The following CACNA1E variants were observed in gnomAD, a reference collection of about 807,000 sequenced individuals.
CACNA1E encodes voltage-dependent R-type calcium channel subunit alpha-1E.
CACNA1E carries 40 observed loss-of-function variants against 259.2 expected under a neutral mutation model. That is an observed-to-expected ratio of 0.15 (90% CI 0.12 to 0.20). CACNA1E has a LOEUF of 0.20. Among genes scored for constraint, CACNA1E ranks in the 10% least tolerant of loss-of-function variants. The pLI is 1.00. For missense variants in CACNA1E, 1,874 were observed against 3,040.1 expected (o/e 0.62, Z 9.02); for synonymous variants, 1,104 against 1,138.5 (o/e 0.97, Z 0.61).
At chr1:181,535,518 A>G (rs1668101068) in intron 3 of CACNA1E, among the ~76,000 whole-genome samples, 1 of 152,282 alleles carries the variant, frequency 6.6e-6, no homozygotes, top group South Asian at 2.1e-4. Flanking sequence ...TTTTATGTAT[A>G]TATGTATAAA....
chr1:181,681,816 C>T lies in CACNA1E; in HGVS notation c.1056-29138C>T, dbSNP rs1650001383. 2.0e-5 allele frequency among the ~76,000 whole-genome samples: 3 copies of T among 152,118 alleles called. No individual in the cohort carries two copies. The South Asian group carries it at 6.2e-4, about 32-fold the overall frequency. ...AATGATACCTACCTCACAGGGTTGC[C>T]TTTATTTTTTGCTGTGTTCTGTGCC... On this transcript the variant is annotated intron_variant, in intron 7 of 47. Coordinates refer to ENST00000367573, the MANE Select transcript of CACNA1E (RefSeq NM_001205293.3).
chr1:181,535,933 G>A (rs1372601598), intron 3 of CACNA1E, among the ~76,000 whole-genome samples: 1 of 151,780 alleles, frequency 6.6e-6, no homozygotes, highest in Admixed American at 6.6e-5. Flanking sequence ...GTGGTCCACC[G>A]ACCTTGGCCT....
In CACNA1E at chr1:181,802,434, C is replaced by A. The variant is rs1425014409; in HGVS notation, c.*3600C>A. 6.6e-6 allele frequency: 1 copy of A among 152,244 alleles called. No individual in the cohort carries two copies. Among genetic ancestry groups the A allele is most frequent in the Non-Finnish European group, 1.5e-5 (1 of 68,098 alleles). The allele number at this position is 152,244 out of a possible 1,614,324, so 9.4% of individuals were successfully genotyped here. On this transcript the variant is annotated 3_prime_UTR_variant, in exon 48 of 48. Transcript: ENST00000367573. The stretch of plus-strand genomic sequence containing the variant: ...CTCCCTTCTTTGCACAGATTCCTCC[C>A]AACCCCATAGAGCCTATGTGGTGAG...
intron 2 of CACNA1E, among the ~76,000 whole-genome samples, chr1:181,468,383 T>A (rs1360596353): frequency 6.6e-6 from 1 of 152,212 alleles, no homozygotes; most frequent in Non-Finnish European, 1.5e-5. Context: ...AATGGTTTTA[T>A]CAGCTGTAGC....
At chr1:181,739,390 C>T (rs574764262) in intron 25 of CACNA1E, 137 bp downstream of exon 25, 39 of 684,164 alleles carry the variant, frequency 5.7e-5, no homozygotes, top group African/African-American at 2.7e-4. Context: ...GCTCCCCAGT[C>T]GCCCCCAGCA....
At chr1:181,789,812 T>C (rs531057682) in intron 43 of CACNA1E, among the ~76,000 whole-genome samples, 54 of 152,354 alleles carry the variant, frequency 3.5e-4, no homozygotes, top group Non-Finnish European at 6.8e-4. Context: ...GGGCAGACTT[T>C]GTCTCCATCC....
chr1:181,396,318 G>C (rs1419676605), intron 1 of CACNA1E, among the ~76,000 whole-genome samples: 2 of 152,206 alleles, frequency 1.3e-5, no homozygotes, highest in Non-Finnish European at 2.9e-5. Context: ...GTGTGGGAGG[G>C]GACCGCACAA....
chr1:181,400,292 T>C (rs572339550), intron 1 of CACNA1E, among the ~76,000 whole-genome samples: 1 of 152,380 alleles, frequency 6.6e-6, no homozygotes, highest in South Asian at 2.1e-4. Flanking sequence ...AGTTAACTGA[T>C]GATTTATCAT....
intron 6 of CACNA1E, among the ~76,000 whole-genome samples, chr1:181,590,746 C>G (rs1396618964): frequency 6.6e-6 from 1 of 152,100 alleles, no homozygotes; most frequent in Non-Finnish European, 1.5e-5. Context: ...CCTGAGGGTG[C>G]CTTGCAGGTG....
At chr1:181,690,922 C>G (rs1294278540) in intron 7 of CACNA1E, among the ~76,000 whole-genome samples, 1 of 151,802 alleles carries the variant, frequency 6.6e-6, no homozygotes, top group African/African-American at 2.4e-5. Context: ...AAGACTTTAT[C>G]TTGGTGTTAT....
intron 2 of CACNA1E, among the ~76,000 whole-genome samples, chr1:181,436,329 G>A (rs1660086334): frequency 6.6e-6 from 1 of 152,286 alleles, no homozygotes; most frequent in Non-Finnish European, 1.5e-5. Context: ...CTAAAAACAG[G>A]ACTACCATAT....
At chr1:181,495,708 G>T (rs1389754199) in intron 1 of CACNA1E, among the ~76,000 whole-genome samples, 1 of 152,186 alleles carries the variant, frequency 6.6e-6, no homozygotes. Context: ...TCAGATGTGA[G>T]GTGGAGGTCA....
At chr1:181,410,605 T>C (rs773071866) in intron 1 of CACNA1E, among the ~76,000 whole-genome samples, 14 of 152,202 alleles carry the variant, frequency 9.2e-5, no homozygotes, top group Non-Finnish European at 1.8e-4. Context: ...TGTTTCTATT[T>C]ATTATCTTAG....
intron 7 of CACNA1E, among the ~76,000 whole-genome samples, chr1:181,654,116 G>A: frequency 1.3e-5 from 2 of 150,784 alleles, no homozygotes; most frequent in African/African-American, 2.4e-5. Flanking sequence ...AGAGATAGAA[G>A]AGAAACCATT....
chr1:181,573,014 A>G (rs1303261051), intron 3 of CACNA1E, among the ~76,000 whole-genome samples: 1 of 152,194 alleles, frequency 6.6e-6, no homozygotes, highest in Non-Finnish European at 1.5e-5. Flanking sequence ...CTGGGCAAAC[A>G]TTACACAGCG....
intron 2 of CACNA1E, among the ~76,000 whole-genome samples, chr1:181,458,590 A>G (rs1459967446): frequency 6.6e-6 from 1 of 152,206 alleles, no homozygotes; most frequent in Non-Finnish European, 1.5e-5. Flanking sequence ...GCCACTTCCA[A>G]GAAACACGAA....
At chr1:181,342,206 G>A (rs1357861570) in intron 1 of CACNA1E, among the ~76,000 whole-genome samples, 2 of 152,176 alleles carry the variant, frequency 1.3e-5, no homozygotes, top group Non-Finnish European at 1.5e-5. Flanking sequence ...TGTTCCAGAG[G>A]CTGGTGAGGC....
At chr1:181,336,453 C>T (rs1388299916) in intron 1 of CACNA1E, among the ~76,000 whole-genome samples, 1 of 152,184 alleles carries the variant, frequency 6.6e-6, no homozygotes, top group Non-Finnish European at 1.5e-5. Flanking sequence ...GGTGACATAG[C>T]TGTTAAAGGA....
Position 181,790,449 on chromosome 1 carries a change from G to C in CACNA1E, c.5791G>C (p.Gly1931Arg). ...LQQDPVSGLSGRSGYPSMSPL... is the reference protein window; with the variant it reads ...LQQDPVSGLSRRSGYPSMSPL... ...GGATTTGACATTGCTTTTCAGGAGT[G>C]GCCGGAGTGGATACCCTTCGATGAG... Residue 1931 changes from glycine to arginine, a missense_variant, in exon 44 of 48, where the codon GGC (glycine) becomes CGC (arginine). Gly to Arg is a moderately radical substitution (Grantham distance 125). Transcript: ENST00000367573. 1 of 1,607,312 alleles carries C rather than the reference G, an allele frequency of 6.2e-7. No individual in the cohort carries two copies. Among genetic ancestry groups the C allele is most frequent in the Non-Finnish European group, 8.5e-7 (1 of 1,173,820 alleles).
Sources: gnomAD v4.1 joint callset for allele counts (sites outside exome capture counted in the v4.1 genomes callset) on GRCh38, gnomAD v4.1.1 for gene constraint, MANE v1.5 for transcripts, NCBI Gene and HGNC (gene_info 2026-07-23, HGNC 2026-07-21) for gene names.